The following TULP4 variants were observed in gnomAD, a reference collection of about 807,000 sequenced individuals.
The protein encoded by TULP4 is TUB like protein 4.
Under a neutral mutation model 129.0 loss-of-function variants are expected in TULP4, and 16 were observed. The observed-to-expected ratio is 0.12, with a 90% CI of 0.08 to 0.19. The LOEUF (loss-of-function observed/expected upper bound fraction) is 0.19, where lower values mean the gene tolerates loss of function less well. Ranked by LOEUF, TULP4 falls within the 10% of genes least tolerant of loss-of-function variation. TULP4 has a pLI of 1.00. For missense variants in TULP4, 1,842 were observed against 2,059.1 expected, an observed-to-expected ratio of 0.89 and a Z score of 2.04; for synonymous variants, 998 against 854.0, an observed-to-expected ratio of 1.17 and a Z score of -2.94.
intron 3 of TULP4, among the ~76,000 whole-genome samples, chr6:158,437,559 CAAATA>C (rs1294238248): frequency 6.6e-6 from 1 of 151,506 alleles, no homozygotes; most frequent in Non-Finnish European, 1.5e-5. Flanking sequence ...GATCCGGTCT[CAAATA>C]AAATAAAAAT....
At chr6:158,325,509 C>G (rs536967533) in intron 1 of TULP4, among the ~76,000 whole-genome samples, 4 of 151,996 alleles carry the variant, frequency 2.6e-5, no homozygotes, top group Admixed American at 6.6e-5. Context: ...CCTATCACCA[C>G]GCCTGGCTAA....
chr6:158,264,570 G>T (rs1462075830), intron 1 of TULP4, among the ~76,000 whole-genome samples: 1 of 152,078 alleles, frequency 6.6e-6, no homozygotes, highest in East Asian at 1.9e-4. Context: ...ACATCGATCT[G>T]GGGAAGATGC....
chr6:158,502,688 C>T lies in TULP4; in HGVS notation c.3025C>T (p.Leu1009=), dbSNP rs1165272666. The stretch of plus-strand genomic sequence containing the variant: ...GCTGGCCGACAGCCCGCGGGCCCCC[C>T]TGCAGCCCCTGGCCAAGTCCAAGGG... ...AQLADSPRAP[L]QPLAKSKGGP... is the part of the protein sequence containing the mutation. The change falls in exon 13 of 14, where the codon CTG becomes TTG. Residue 1009 remains leucine, a synonymous_variant. Coordinates refer to ENST00000367097, the MANE Select transcript of TULP4 (RefSeq NM_020245.5). 1.9e-6 allele frequency: 3 copies of T among 1,558,028 alleles called. No individual in the cohort carries two copies. The highest frequency in any genetic ancestry group is 1.7e-6 in the Non-Finnish European group (2 of 1,157,266).
chr6:158,480,555 G>T (rs1429286801), intron 7 of TULP4, among the ~76,000 whole-genome samples: 3 of 152,230 alleles, frequency 2.0e-5, no homozygotes, highest in Admixed American at 2.0e-4. Context: ...GCCAGTTGCT[G>T]TTCAAGTGTG....
chr6:158,394,879 C>G, intron 1 of TULP4, among the ~76,000 whole-genome samples: 1 of 149,122 alleles, frequency 6.7e-6, no homozygotes, highest in Non-Finnish European at 1.5e-5. Context: ...ATTCCACAGG[C>G]TTAATAGGAA....
Position 158,378,365 on chromosome 6 carries a change from A to T in TULP4, c.253-34700A>T, listed in dbSNP as rs1180852185. ...TTTATTATAATAATGTATACCAAGC[A>T]TATTAAGACTTAAAAGGAAAGAATA... On this transcript the variant is annotated intron_variant, in intron 1 of 13. Coordinates refer to ENST00000367097, the MANE Select transcript of TULP4 (RefSeq NM_020245.5). Among the ~76,000 whole-genome samples the T allele has an allele frequency of 2.0e-5, 3 of 151,998 alleles. No homozygotes were observed. The East Asian group carries it at 5.8e-4, about 29-fold the overall frequency.
At chr6:158,329,102 C>A (rs1779816953) in intron 1 of TULP4, among the ~76,000 whole-genome samples, 1 of 152,174 alleles carries the variant, frequency 6.6e-6, no homozygotes, top group African/African-American at 2.4e-5. Flanking sequence ...AACAAACACA[C>A]CTGTGCATTT....
chr6:158,479,285 C>T (rs191310947), intron 6 of TULP4, among the ~76,000 whole-genome samples: 80 of 152,292 alleles, frequency 5.3e-4, no homozygotes, highest in Non-Finnish European at 1.0e-3. Context: ...AAGGTGATTG[C>T]CCCTACTAGT....
chr6:158,280,028 C>A (rs763460400), upstream of TULP4, among the ~76,000 whole-genome samples: 4 of 152,182 alleles, frequency 2.6e-5, no homozygotes, highest in Non-Finnish European at 4.4e-5. Flanking sequence ...CTTTCTCCAT[C>A]CATAACTGGG....
At chr6:158,254,250 C>G (rs1271647379) in intron 1 of TULP4, among the ~76,000 whole-genome samples, 1 of 152,082 alleles carries the variant, frequency 6.6e-6, no homozygotes, top group Admixed American at 6.5e-5. Context: ...TTAAATGATT[C>G]TCATGACTCA....
upstream of TULP4, among the ~76,000 whole-genome samples, chr6:158,279,859 A>T (rs746601596): frequency 3.9e-5 from 6 of 152,240 alleles, no homozygotes; most frequent in Non-Finnish European, 7.3e-5. Flanking sequence ...CTTGGAATTC[A>T]GCATGTGAAC....
In TULP4 at chr6:158,324,141, A is replaced by G. The variant is rs186788639; in HGVS notation, c.252+9873A>G. On this transcript the variant is annotated intron_variant, in intron 1 of 13. Transcript: ENST00000367097. ...AGAATTTGATGGATGTTCCGCTTTTATCTGCCAGCTTTATCACGAAGGATT... is the reference window on the plus strand; with the variant it reads ...AGAATTTGATGGATGTTCCGCTTTTGTCTGCCAGCTTTATCACGAAGGATT... Among the ~76,000 whole-genome samples the G allele has an allele frequency of 4.7e-3, 720 of 152,350 alleles. 4 individuals are homozygous for G. The highest frequency in any genetic ancestry group is 6.9e-3 in the Non-Finnish European group (466 of 68,026).
At chr6:158,480,099 C>T (rs1016191039) in intron 7 of TULP4, 124 bp downstream of exon 7, 42 of 736,220 alleles carry the variant, frequency 5.7e-5, no homozygotes, top group Admixed American at 1.1e-4. Flanking sequence ...TGTGCAGGAT[C>T]CTGTCATGTG....
chr6:158,239,132 C>T (rs1203988076), intron 1 of TULP4, among the ~76,000 whole-genome samples: 5 of 94,204 alleles, frequency 5.3e-5, no homozygotes, highest in South Asian at 3.7e-4. Context: ...TAGGGGCGGC[C>T]GGGCAGAGGC....
At chr6:158,346,172 T>G (rs1231318490) in intron 1 of TULP4, among the ~76,000 whole-genome samples, 1 of 152,240 alleles carries the variant, frequency 6.6e-6, no homozygotes, top group Non-Finnish European at 1.5e-5. Flanking sequence ...CAAACACATA[T>G]GTTTTACAAT....
chr6:158,265,496 A>G (rs752220139), intron 1 of TULP4, among the ~76,000 whole-genome samples: 21 of 152,056 alleles, frequency 1.4e-4, no homozygotes, highest in East Asian at 3.9e-4. Context: ...CCTGGCCAAC[A>G]TGGTGAAACC....
chr6:158,286,382 G>C (rs1447916541), intron 1 of TULP4, among the ~76,000 whole-genome samples: 1 of 152,040 alleles, frequency 6.6e-6, no homozygotes, highest in East Asian at 1.9e-4. Context: ...GTTTTCTCTC[G>C]CAATTATTTC....
intron 1 of TULP4, among the ~76,000 whole-genome samples, chr6:158,283,249 G>A (rs915688408): frequency 2.6e-5 from 4 of 152,004 alleles, no homozygotes; most frequent in African/African-American, 9.7e-5. Flanking sequence ...TTGCCAACTT[G>A]TAACTATTAA....
intron 6 of TULP4, among the ~76,000 whole-genome samples, chr6:158,477,127 A>G (rs1343213884): frequency 6.6e-6 from 1 of 152,150 alleles, no homozygotes; most frequent in Non-Finnish European, 1.5e-5. Flanking sequence ...TGGTAATTAT[A>G]TATATAAAGG....
Sources: allele counts gnomAD v4.1 joint callset (sites outside exome capture counted in the v4.1 genomes callset), GRCh38; gene constraint gnomAD v4.1.1; transcripts MANE v1.5; gene names NCBI Gene and HGNC (gene_info 2026-07-23, HGNC 2026-07-21).